Variants in CTNNA3 observed in about 807,000 individuals in gnomAD.
The protein encoded by CTNNA3 is catenin alpha 3.
In CTNNA3, 76 loss-of-function variants were observed where a neutral mutation model predicts 95.7. The ratio of observed to expected loss-of-function variants is 0.79; its 90% CI spans 0.66 to 0.96. The LOEUF (loss-of-function observed/expected upper bound fraction) is 0.96, where lower values mean the gene tolerates loss of function less well. Among genes scored for constraint, CTNNA3 ranks in the 40% least tolerant of loss-of-function variants. The pLI, the probability that CTNNA3 is intolerant of heterozygous loss-of-function variation, is 0.00. For synonymous variants in CTNNA3, 431 were observed against 374.4 expected, an observed-to-expected ratio of 1.15 and a Z score of -1.74; for missense variants, 1,191 against 1,089.8, an observed-to-expected ratio of 1.09 and a Z score of -1.31.
intron 7 of CTNNA3, among the ~76,000 whole-genome samples, chr10:66,977,007 T>C (rs1347680286): frequency 6.6e-6 from 1 of 152,164 alleles, no homozygotes; most frequent in African/African-American, 2.4e-5. Flanking sequence ...TAATTTTATA[T>C]CTACAAATGC....
At chr10:66,323,656 GA>G (rs150270297) in intron 12 of CTNNA3, among the ~76,000 whole-genome samples, 1,962 of 132,986 alleles carry the variant, frequency 0.015, 39 homozygotes, top group Middle Eastern at 0.042. Context: ...CATCTCAAAC[GA>G]AAAAAAAAAA....
In CTNNA3 at chr10:67,743,620, C is replaced by T. The variant is rs1032891378; in HGVS notation, c.-2+19814G>A. Among the ~76,000 whole-genome samples the T allele has an allele frequency of 1.6e-4, 24 of 151,300 alleles. 1 individual carries two copies. The highest frequency in any genetic ancestry group is 3.5e-4 in the Non-Finnish European group (24 of 67,794). Reference sequence around the variant, plus strand: ...ACAGGGATGCCCTCTCTCACTACTCCTATTCAACATAGTGTTGAAAGTTCA... The same window carrying T: ...ACAGGGATGCCCTCTCTCACTACTCTTATTCAACATAGTGTTGAAAGTTCA... On this transcript the variant is annotated intron_variant, in intron 1 of 17. Coordinates refer to the CTNNA3 transcript ENST00000684154.
At chr10:65,947,156 G>C (rs10996786) in intron 17 of CTNNA3, among the ~76,000 whole-genome samples, 5,989 of 145,910 alleles carry the variant, frequency 0.041, 141 homozygotes, top group Middle Eastern at 0.084. Flanking sequence ...CTCTAATCTT[G>C]GTACAGAAGC....
At chr10:66,658,562 G>A (rs917947469) in intron 9 of CTNNA3, among the ~76,000 whole-genome samples, 1 of 152,134 alleles carries the variant, frequency 6.6e-6, no homozygotes, top group Non-Finnish European at 1.5e-5. Flanking sequence ...GCCAATGAGT[G>A]AGGCTACCGT....
intron 7 of CTNNA3, among the ~76,000 whole-genome samples, chr10:67,051,684 G>A (rs1478044092): frequency 4.0e-5 from 6 of 151,724 alleles, no homozygotes; most frequent in Middle Eastern, 3.4e-3. Context: ...GATTACAGGC[G>A]TGAGCCACTG....
At chr10:66,254,529 T>C (rs1410045928) in intron 13 of CTNNA3, among the ~76,000 whole-genome samples, 1 of 152,198 alleles carries the variant, frequency 6.6e-6, no homozygotes, top group Non-Finnish European at 1.5e-5. Flanking sequence ...CTTGCTGAGG[T>C]GCCTCGCTGT....
chr10:66,071,837 C>T (rs1007526568), intron 14 of CTNNA3, among the ~76,000 whole-genome samples: 2 of 152,166 alleles, frequency 1.3e-5, no homozygotes, highest in Admixed American at 1.3e-4. Flanking sequence ...GTTCTTTACT[C>T]TCTGCAGTGA....
intron 13 of CTNNA3, among the ~76,000 whole-genome samples, chr10:66,278,301 G>C (rs1471338958): frequency 6.6e-6 from 1 of 151,372 alleles, no homozygotes; most frequent in African/African-American, 2.4e-5. Flanking sequence ...ATAAGAACAA[G>C]TCTTCTAATT....
At chr10:67,417,316 T>C (rs1159562139) in intron 5 of CTNNA3, among the ~76,000 whole-genome samples, 3 of 152,096 alleles carry the variant, frequency 2.0e-5, no homozygotes, top group East Asian at 1.9e-4. Context: ...GCAGGGGATA[T>C]TGGGTTAAAA....
At position 66,388,685 on chromosome 10, in the gene CTNNA3, T is replaced by C. The variant is rs2092912431; in HGVS notation, c.1532-9333A>G. 1.4e-5 allele frequency among the ~76,000 whole-genome samples: 2 copies of C among 145,262 alleles called. 1 individual carries two copies. The highest frequency in any genetic ancestry group is 5.2e-5 in the African/African-American group (2 of 38,434). On this transcript the variant is annotated intron_variant, in intron 11 of 17. Coordinates refer to ENST00000433211, the MANE Select transcript of CTNNA3 (RefSeq NM_013266.4). ...TGATATGAAAAAATTATAAATAAAA[T>C]AACGAAAAGAAGCTATAACCAGACT...
At chr10:67,119,437 C>A (rs1407084350) in intron 7 of CTNNA3, among the ~76,000 whole-genome samples, 1 of 151,834 alleles carries the variant, frequency 6.6e-6, no homozygotes, top group African/African-American at 2.4e-5. Context: ...TTAATTAAAG[C>A]CAAAGACTTG....
intron 10 of CTNNA3, among the ~76,000 whole-genome samples, chr10:66,584,526 C>G (rs1843297272): frequency 6.6e-6 from 1 of 151,926 alleles, no homozygotes; most frequent in Non-Finnish European, 1.5e-5. Flanking sequence ...TTTCCATTTG[C>G]AAGAAATGTC....
intron 5 of CTNNA3, among the ~76,000 whole-genome samples, chr10:67,431,766 A>G (rs566258720): frequency 3.3e-5 from 5 of 152,024 alleles, no homozygotes; most frequent in Non-Finnish European, 5.9e-5. Flanking sequence ...AGGAATATAA[A>G]TAAGATTGAA....
At chr10:65,953,906 T>C (rs573464169) in intron 17 of CTNNA3, among the ~76,000 whole-genome samples, 1 of 152,362 alleles carries the variant, frequency 6.6e-6, no homozygotes, top group Admixed American at 6.5e-5. Context: ...TACCCAGTAA[T>C]GGGATGGCTG....
chr10:66,236,525 T>C (rs1313749770), intron 13 of CTNNA3, among the ~76,000 whole-genome samples: 2 of 152,148 alleles, frequency 1.3e-5, no homozygotes, highest in Non-Finnish European at 2.9e-5. Context: ...TCAGTTTTTA[T>C]AAAATATATT....
intron 7 of CTNNA3, among the ~76,000 whole-genome samples, chr10:66,994,393 T>G (rs1851212726): frequency 6.6e-6 from 1 of 152,212 alleles, no homozygotes; most frequent in South Asian, 2.1e-4. Flanking sequence ...ATTAGCTCAC[T>G]TAATAAATGG....
chr10:67,411,426 G>A (rs1845363134), intron 5 of CTNNA3, among the ~76,000 whole-genome samples: 1 of 152,010 alleles, frequency 6.6e-6, no homozygotes, highest in Non-Finnish European at 1.5e-5. Flanking sequence ...GCATTTCTAG[G>A]TCATTGACTC....
intron 15 of CTNNA3, among the ~76,000 whole-genome samples, chr10:66,029,278 C>T (rs1009926735): frequency 2.6e-5 from 4 of 152,072 alleles, no homozygotes; most frequent in Non-Finnish European, 4.4e-5. Flanking sequence ...GCTCAACCCC[C>T]GAAATGCTCC....
At chr10:67,235,471 C>G (rs1435525503) in intron 5 of CTNNA3, among the ~76,000 whole-genome samples, 1 of 151,820 alleles carries the variant, frequency 6.6e-6, no homozygotes, top group Non-Finnish European at 1.5e-5. Context: ...ATGTAGAAAG[C>G]TGAAACTGGA....
Sources: allele counts gnomAD v4.1 joint callset (sites outside exome capture counted in the v4.1 genomes callset), GRCh38; gene constraint gnomAD v4.1.1; transcripts MANE v1.5; gene names NCBI Gene and HGNC (gene_info 2026-07-23, HGNC 2026-07-21).